Variants in KHDC4 observed in about 807,000 individuals in gnomAD.
The protein encoded by KHDC4 is KH domain containing 4, pre-mRNA splicing factor.
KHDC4 carries 19 observed loss-of-function variants against 74.5 expected under a neutral mutation model. The ratio of observed to expected loss-of-function variants is 0.26; its 90% CI spans 0.18 to 0.37. The LOEUF (loss-of-function observed/expected upper bound fraction) is 0.37, where lower values mean the gene tolerates loss of function less well. Among genes scored for constraint, KHDC4 ranks in the 10% least tolerant of loss-of-function variants. The probability of loss-of-function intolerance (pLI) is 1.00; values close to 1 mark genes in which losing one functional copy is unlikely to be tolerated. For synonymous variants in KHDC4, 253 were observed against 266.1 expected (o/e 0.95, Z 0.48); for missense variants, 632 against 754.1 (o/e 0.84, Z 1.90).
At chr1:155,922,927 C>T (rs1274737834) in intron 8 of KHDC4, among the ~76,000 whole-genome samples, 2 of 152,132 alleles carry the variant, frequency 1.3e-5, no homozygotes, top group Admixed American at 6.6e-5. Flanking sequence ...CAGTCCTGGC[C>T]GGGCGCGGTG....
rs1238229261 is a variant in KHDC4 at position 155,917,675 on chromosome 1, G to A, written c.1267-3C>T. On this transcript the variant is annotated splice_polypyrimidine_tract_variant and splice_region_variant and intron_variant, in intron 10 of 13. Coordinates refer to ENST00000368321, the MANE Select transcript of KHDC4 (RefSeq NM_014949.4). ...ATAAAAGGACCACCCATCGGACTCT[G>A]GGACCAAAACAAACCAAGGAAGAAA... 3.9e-6 allele frequency: 6 copies of A among 1,521,976 alleles called. No individual in the cohort carries two copies. The highest frequency in any genetic ancestry group is 5.3e-6 in the Non-Finnish European group (6 of 1,140,610). The allele number at this position is 1,521,976 out of a possible 1,614,324, so 94.3% of individuals were successfully genotyped here. A position where few individuals can be genotyped will look rare whatever the true frequency, so the allele number is the denominator to read the frequency against.
At position 155,929,844 on chromosome 1, in the gene KHDC4, GAA is replaced by G; in HGVS notation, c.256-6_256-5del. 6.4e-7 allele frequency: 1 copy of G among 1,551,946 alleles called. No individual in the cohort carries two copies. On this transcript the variant is annotated splice_region_variant and splice_polypyrimidine_tract_variant and intron_variant, in intron 2 of 13. Transcript: ENST00000368321. ...GGCCTTTGCCAGGAGCCTGAAGCTA[GAA>G]AAAAGAGAAATTAGATTAAAAAGTT...
chr1:155,928,727 T>C (rs571988963), intron 4 of KHDC4, among the ~76,000 whole-genome samples: 1 of 143,696 alleles, frequency 7.0e-6, no homozygotes, highest in Non-Finnish European at 1.5e-5. Context: ...CCGAGGGGGG[T>C]GGATCACAAG....
Position 155,917,517 on chromosome 1 carries a change from A to G in KHDC4, c.1422T>C (p.Ser474=), listed in dbSNP as rs1344306623. Residue 474 remains serine, a synonymous_variant, in exon 11 of 14, where the codon TCT becomes TCC. Transcript: ENST00000368321. ...FTEELPDERE[S]GLLGYQHGPI... is the part of the protein sequence containing the mutation. ...ATTTAACCTGGTATCCAAGCAGTCC[A>G]GATTCCCGTTCATCTGGTAGCTCCT... 6.5e-7 allele frequency: 1 copy of G among 1,548,188 alleles called. No homozygotes were observed. The highest frequency in any genetic ancestry group is 8.8e-7 in the Non-Finnish European group (1 of 1,138,018).
At chr1:155,927,222 C>A in intron 4 of KHDC4, 66 bp from the exon 5 acceptor site, 1 of 1,181,136 alleles carries the variant, frequency 8.5e-7, no homozygotes, top group South Asian at 1.2e-5. Flanking sequence ...TCAAATGGGT[C>A]ACCAGATCTA....
chr1:155,915,990 C>G, intron 12 of KHDC4, 26 bp from the exon 13 acceptor site: 1 of 1,432,950 alleles, frequency 7.0e-7, no homozygotes. Context: ...ATGAAACTTT[C>G]TTTCAGACAA....
intron 8 of KHDC4, among the ~76,000 whole-genome samples, chr1:155,922,836 G>A (rs990486666): frequency 1.3e-5 from 2 of 152,162 alleles, no homozygotes; most frequent in Admixed American, 6.6e-5. Context: ...AACCAACCAT[G>A]AGCTACCCAA....
At chr1:155,914,365 A>G (rs754508184) in intron 13 of KHDC4, 45 bp from the exon 14 acceptor site, 7 of 630,650 alleles carry the variant, frequency 1.1e-5, no homozygotes, top group South Asian at 6.3e-5. Flanking sequence ...CCGCCAAGGG[A>G]AAAAAAAAAA....
chr1:155,930,634 A>G (rs1298456958), intron 2 of KHDC4, among the ~76,000 whole-genome samples: 1 of 152,158 alleles, frequency 6.6e-6, no homozygotes, highest in Non-Finnish European at 1.5e-5. Context: ...TCTTTGTGCC[A>G]CTCCTATAAT....
rs76968281 is a variant in KHDC4, at chr1:155,921,164, G to A, written c.1266+211C>T. 4,694 of 581,032 alleles carry A rather than the reference G, an allele frequency of 8.1e-3. 33 individuals carry two copies. The highest frequency in any genetic ancestry group is 0.011 in the Non-Finnish European group (3,504 of 330,334). The allele number at this position is 581,032 out of a possible 1,614,324, so 36.0% of individuals were successfully genotyped here. On this transcript the variant is annotated intron_variant, in intron 10 of 13. Coordinates refer to ENST00000368321, the MANE Select transcript of KHDC4 (RefSeq NM_014949.4). ...CCCACTTTAAACAGCTATTTGGTGT[G>A]CAAGACTTGTGAAAATATAAACTTC...
chr1:155,914,072 T>A lies in KHDC4; in HGVS notation c.*49A>T. 6.8e-7 allele frequency: 1 copy of A among 1,467,558 alleles called. No homozygotes were observed. Among genetic ancestry groups the A allele is most frequent in the South Asian group, 1.1e-5 (1 of 88,062 alleles). The allele number at this position is 1,467,558 out of a possible 1,614,324, so 90.9% of individuals were successfully genotyped here. ...AGTCTTGTTAAATCAAATGCATGCA[T>A]TATTGCTAAGAAGAGTCACTGAGGG... On this transcript the variant is annotated 3_prime_UTR_variant, in exon 14 of 14. Coordinates refer to ENST00000368321, the MANE Select transcript of KHDC4 (RefSeq NM_014949.4).
intron 11 of KHDC4, among the ~76,000 whole-genome samples, chr1:155,917,292 T>C (rs879823428): frequency 1.3e-5 from 2 of 152,050 alleles, no homozygotes; most frequent in Admixed American, 1.3e-4. Flanking sequence ...TACTGGTAGA[T>C]CAAGAGCTTT....
At chr1:155,933,492 G>C (rs906932600) in intron 2 of KHDC4, 141 bp downstream of exon 2, 2 of 570,506 alleles carry the variant, frequency 3.5e-6, no homozygotes, top group Non-Finnish European at 6.1e-6. Flanking sequence ...CACCATGTTG[G>C]TCAGGCTGGT....
At chr1:155,931,184 C>T (rs755938457) in intron 2 of KHDC4, among the ~76,000 whole-genome samples, 1 of 149,264 alleles carries the variant, frequency 6.7e-6, no homozygotes, top group Non-Finnish European at 1.5e-5. Flanking sequence ...TAGCTGGGCA[C>T]GGTGGCATGA....
chr1:155,922,692 C>G (rs771946772), intron 8 of KHDC4, among the ~76,000 whole-genome samples: 2 of 152,132 alleles, frequency 1.3e-5, no homozygotes, highest in Non-Finnish European at 2.9e-5. Flanking sequence ...GTATTTTCCT[C>G]ATACTTCCTT....
chr1:155,921,120 AG>A (rs1673853965), intron 10 of KHDC4: 1 of 489,008 alleles, frequency 2.0e-6, no homozygotes, highest in African/African-American at 1.9e-5. Context: ...GACCCTTTAT[AG>A]CAAGTGTGCC....
intron 4 of KHDC4, among the ~76,000 whole-genome samples, chr1:155,927,832 C>CA (rs1189399959): frequency 1.1e-5 from 1 of 90,938 alleles, no homozygotes; most frequent in African/African-American, 5.2e-5. Flanking sequence ...AAAAAAAAAA[C>CA]CACACACACA....
chr1:155,929,394 A>G lies in KHDC4; in HGVS notation c.385-19T>C. On this transcript the variant is annotated intron_variant, in intron 3 of 13. Coordinates refer to ENST00000368321, the MANE Select transcript of KHDC4 (RefSeq NM_014949.4). Reference sequence around the variant, plus strand: ...GGCTGATCTAAAAAAGGAAATGTTCAATTAAAAAAATGTGGCAATTGGTTG... The same window carrying G: ...GGCTGATCTAAAAAAGGAAATGTTCGATTAAAAAAATGTGGCAATTGGTTG... The G allele has an allele frequency of 6.3e-7, 1 of 1,598,044 alleles. No homozygotes were observed. The highest frequency in any genetic ancestry group is 1.1e-5 in the South Asian group (1 of 89,990).
rs373707316 is a variant in KHDC4 at position 155,934,377 on chromosome 1, G to T, written c.-4C>A. Reference sequence around the variant, plus strand: ...GTGTCGCGCTCCCCGCGGACATGGCGACCGCTTCTACTCAACCACCCGCCA... The same window carrying T: ...GTGTCGCGCTCCCCGCGGACATGGCTACCGCTTCTACTCAACCACCCGCCA... On this transcript the variant is annotated 5_prime_UTR_variant, in exon 1 of 14. Transcript: ENST00000368321. 7.4e-6 allele frequency: 12 copies of T among 1,611,648 alleles called. No individual in the cohort carries two copies. The highest frequency in any genetic ancestry group is 2.7e-5 in the African/African-American group (2 of 74,908).
Sources: allele counts gnomAD v4.1 joint callset (sites outside exome capture counted in the v4.1 genomes callset), GRCh38; gene constraint gnomAD v4.1.1; transcripts MANE v1.5; gene names NCBI Gene and HGNC (gene_info 2026-07-23, HGNC 2026-07-21).